Variants in PCDHGA12 observed in about 807,000 individuals in gnomAD.
PCDHGA12 encodes the protein protocadherin gamma subfamily A, 12.
Under a neutral mutation model 61.1 loss-of-function variants are expected in PCDHGA12, and 43 were observed. The ratio of observed to expected loss-of-function variants is 0.70; its 90% CI spans 0.55 to 0.91. The LOEUF (loss-of-function observed/expected upper bound fraction) is 0.91. PCDHGA12 is among the 40% of genes least tolerant of loss of function. The pLI, the probability that PCDHGA12 is intolerant of heterozygous loss-of-function variation, is 0.00. For missense variants in PCDHGA12, 1,236 were observed against 1,227.7 expected (o/e 1.01, Z -0.10); for synonymous variants, 520 against 542.9 (o/e 0.96, Z 0.59).
intron 1 of PCDHGA12, among the ~76,000 whole-genome samples, chr5:141,453,827 C>T (rs2098775483): frequency 6.6e-6 from 1 of 152,320 alleles, no homozygotes; most frequent in South Asian, 2.1e-4. Flanking sequence ...AACTTGGCTG[C>T]TAGCCCTTCA....
At chr5:141,470,795 C>T (rs947636574) in intron 1 of PCDHGA12, among the ~76,000 whole-genome samples, 2 of 152,182 alleles carry the variant, frequency 1.3e-5, no homozygotes, top group Non-Finnish European at 2.9e-5. Context: ...TCAAGCAATC[C>T]TCCCACTTCA....
Position 141,485,859 on chromosome 5 carries a change from G to A in PCDHGA12, c.2425-8948G>A, listed in dbSNP as rs1272239385. ...CCGAGATCTGGCACCGCAGAGCTCC[G>A]GGTATCCGTGCTGGACGTAAACGAC... On this transcript the variant is annotated intron_variant, in intron 1 of 3. Transcript: ENST00000252085. This position sits in a 1 kb window ranked among gnomAD's most constrained non-coding sequence, Gnocchi z 5.7. 3.7e-6 allele frequency: 6 copies of A among 1,614,046 alleles called. No homozygotes were observed. Among genetic ancestry groups the A allele is most frequent in the Admixed American group, 3.3e-5 (2 of 60,000 alleles).
intron 1 of PCDHGA12, among the ~76,000 whole-genome samples, chr5:141,481,049 C>A (rs1165894624): frequency 1.3e-5 from 2 of 152,096 alleles, no homozygotes; most frequent in Non-Finnish European, 2.9e-5. Context: ...CAGAGCGAGA[C>A]TCCACCTCAA....
At chr5:141,510,169 A>G (rs927072830) in intron 3 of PCDHGA12, among the ~76,000 whole-genome samples, 7 of 151,230 alleles carry the variant, frequency 4.6e-5, no homozygotes, top group Non-Finnish European at 1.0e-4. Context: ...GCTACTCAGG[A>G]GGTTGAGGCA....
At chr5:141,510,311 C>T (rs375516156) in intron 3 of PCDHGA12, among the ~76,000 whole-genome samples, 98 of 151,056 alleles carry the variant, frequency 6.5e-4, no homozygotes, top group African/African-American at 2.3e-3. Flanking sequence ...GAAATGGAGG[C>T]TTGGAAGAGC....
At chr5:141,483,797 G>GCTGCTTTT (rs1255394691) in intron 1 of PCDHGA12, among the ~76,000 whole-genome samples, 3 of 152,174 alleles carry the variant, frequency 2.0e-5, no homozygotes, top group Non-Finnish European at 4.4e-5. Context: ...TCCAGTTGTT[G>GCTGCTTTT]CTGCTTTTTT....
At chr5:141,494,365 C>A (rs193174055) in intron 1 of PCDHGA12, among the ~76,000 whole-genome samples, 20 of 152,290 alleles carry the variant, frequency 1.3e-4, no homozygotes, top group Non-Finnish European at 2.2e-4. Context: ...GCAGAGGATG[C>A]TTTGTTCCCA....
chr5:141,500,216 ATT>A (rs1562194139), intron 2 of PCDHGA12, among the ~76,000 whole-genome samples: 8 of 149,244 alleles, frequency 5.4e-5, no homozygotes, highest in African/African-American at 2.0e-4. Flanking sequence ...TTATTTATTT[ATT>A]TATTTATTGA....
rs1591094034 is a variant in PCDHGA12 at position 141,431,659 on chromosome 5, A to T, written c.900A>T (p.Thr300=). 3.7e-6 allele frequency: 6 copies of T among 1,614,246 alleles called. No individual in the cohort carries two copies. The highest frequency in any genetic ancestry group is 3.4e-6 in the Non-Finnish European group (4 of 1,180,036). Residue 300 remains threonine, a synonymous_variant, in exon 1 of 4, where the codon ACA becomes ACT. Coordinates refer to ENST00000252085, the MANE Select transcript of PCDHGA12 (RefSeq NM_003735.3). This position sits in a 1 kb window ranked among gnomAD's most constrained non-coding sequence, Gnocchi z 4.8. The part of the protein sequence containing the change: ...QVFKLDCNSG[T]ISTIGELDHE... ...TCAAACTAGATTGTAATTCAGGGAC[A>T]ATATCAACAATAGGGGAGTTGGACC...
chr5:141,490,243 G>A lies in PCDHGA12; in HGVS notation c.2425-4564G>A, dbSNP rs1431165990. 1 of 1,614,238 alleles carries A rather than the reference G, an allele frequency of 6.2e-7. No individual in the cohort carries two copies. The highest frequency in any genetic ancestry group is 8.5e-7 in the Non-Finnish European group (1 of 1,180,038). The stretch of plus-strand genomic sequence containing the variant: ...ACAGCCTGCCATGGAGGGCCACTGT[G>A]TGATTCAAGTGGATGTGGGGGATGT... On this transcript the variant is annotated intron_variant, in intron 1 of 3. Coordinates refer to ENST00000252085, the MANE Select transcript of PCDHGA12 (RefSeq NM_003735.3). This position sits in a 1 kb window ranked among gnomAD's most constrained non-coding sequence, Gnocchi z 5.4.
rs138831045 is a variant in PCDHGA12 at position 141,462,238 on chromosome 5, G to A, written c.2424+29055G>A. Among the ~76,000 whole-genome samples the A allele has an allele frequency of 2.9e-3, 441 of 152,288 alleles. 3 individuals carry two copies. Among genetic ancestry groups the A allele is most frequent in the African/African-American group, 9.9e-3 (412 of 41,566 alleles). On this transcript the variant is annotated intron_variant, in intron 1 of 3. Coordinates refer to ENST00000252085, the MANE Select transcript of PCDHGA12 (RefSeq NM_003735.3). ...GCCTCCCAAAGTGCAGGGATTACAG[G>A]TATGAGCCACCATGACCAGCCTAAA...
chr5:141,507,862 G>T (rs17286954), intron 3 of PCDHGA12, among the ~76,000 whole-genome samples: 20,426 of 152,154 alleles, frequency 0.13, 1,374 homozygotes, highest in Admixed American at 0.16. Context: ...TTTCACACCC[G>T]CTTCCTAGCC....
intron 1 of PCDHGA12, among the ~76,000 whole-genome samples, chr5:141,472,555 A>T (rs1360460094): frequency 6.6e-6 from 1 of 152,024 alleles, no homozygotes; most frequent in South Asian, 2.1e-4. Flanking sequence ...AAAAAAAATT[A>T]TATTATAAAT....
Position 141,476,144 on chromosome 5 carries a change from C to T in PCDHGA12, c.2425-18663C>T. ...GGTCCCAGAGGCCTGGAGGAGCGGA[C>T]TGGTAAGCACCGGGAGGGTAGTGGG... is the stretch of plus-strand genomic sequence containing the variant. On this transcript the variant is annotated intron_variant, in intron 1 of 3. Transcript: ENST00000252085. This position sits in a 1 kb window ranked among gnomAD's most constrained non-coding sequence, Gnocchi z 7.6. 6.2e-7 allele frequency: 1 copy of T among 1,610,510 alleles called. No individual in the cohort carries two copies. The highest frequency in any genetic ancestry group is 1.3e-5 in the African/African-American group (1 of 75,014).
intron 2 of PCDHGA12, among the ~76,000 whole-genome samples, chr5:141,495,128 G>T (rs1408872159): frequency 2.6e-5 from 4 of 152,160 alleles, no homozygotes; most frequent in African/African-American, 9.7e-5. Flanking sequence ...TCCCCTGAGG[G>T]CACTGTGGAA....
intron 1 of PCDHGA12, among the ~76,000 whole-genome samples, chr5:141,483,517 CCTGA>C (rs72004558): frequency 0.16 from 24,470 of 151,950 alleles, 2,064 homozygotes; most frequent in African/African-American, 0.21. Context: ...CCCCCTAGAT[CCTGA>C]CTAAGGAAGC....
chr5:141,505,616 C>A, intron 3 of PCDHGA12, 135 bp downstream of exon 3: 1 of 1,503,160 alleles, frequency 6.7e-7, no homozygotes. Flanking sequence ...CTGAAAGGAC[C>A]CACAATTCCA....
In PCDHGA12 at chr5:141,486,435, A is replaced by G. The variant is rs2099629501; in HGVS notation, c.2425-8372A>G. The G allele has an allele frequency of 6.2e-7, 1 of 1,614,118 alleles. No homozygotes were observed. Among genetic ancestry groups the G allele is most frequent in the Non-Finnish European group, 8.5e-7 (1 of 1,179,960 alleles). ...TTGGATCGAGAGGCCAAATCTAGCT[A>G]TGACATCATGGTCACTGCTTCTGAT... is the stretch of plus-strand genomic sequence containing the variant. On this transcript the variant is annotated intron_variant, in intron 1 of 3. Coordinates refer to ENST00000252085, the MANE Select transcript of PCDHGA12 (RefSeq NM_003735.3). This position sits in a 1 kb window ranked among gnomAD's most constrained non-coding sequence, Gnocchi z 5.0.
At chr5:141,470,469 A>T (rs1423801455) in intron 1 of PCDHGA12, among the ~76,000 whole-genome samples, 1 of 152,194 alleles carries the variant, frequency 6.6e-6, no homozygotes, top group Non-Finnish European at 1.5e-5. Context: ...ATTTTCTGAT[A>T]TTACTAACCC....
Sources: allele counts gnomAD v4.1 joint callset (sites outside exome capture counted in the v4.1 genomes callset), GRCh38; gene constraint gnomAD v4.1.1; non-coding constraint Gnocchi (gnomAD v3.1); transcripts MANE v1.5; gene names NCBI Gene and HGNC (gene_info 2026-07-23, HGNC 2026-07-21).